The following FSTL4 variants were observed in gnomAD, a reference collection of about 807,000 sequenced individuals.
FSTL4 encodes the protein follistatin-related protein 4.
A neutral mutation model predicts 78.2 loss-of-function variants in FSTL4; 28 were observed. That is an observed-to-expected ratio of 0.36 (90% CI 0.27 to 0.49). The LOEUF (loss-of-function observed/expected upper bound fraction) is 0.49. FSTL4 is among the 20% of genes least tolerant of loss of function. The pLI is 0.98. For synonymous variants in FSTL4, 422 were observed against 440.5 expected (o/e 0.96, Z 0.53); for missense variants, 922 against 1,084.9 (o/e 0.85, Z 2.11).
chr5:133,796,768 G>A, the FSTL4 span, among the ~76,000 whole-genome samples: 2 of 152,034 alleles, frequency 1.3e-5, no homozygotes, highest in Non-Finnish European at 2.9e-5. Context: ...TGGGCCAAAC[G>A]GCAACTTTTT....
chr5:133,458,083 G>C (rs1445698966), intron 3 of FSTL4: 1 of 152,164 alleles, frequency 6.6e-6, no homozygotes, highest in African/African-American at 2.4e-5. Context: ...AACAGTCATT[G>C]TTTAAAAATG....
chr5:133,215,089 C>T (rs1236557940), intron 13 of FSTL4, among the ~76,000 whole-genome samples: 1 of 152,218 alleles, frequency 6.6e-6, no homozygotes, highest in East Asian at 1.9e-4. Context: ...TGTACCAAAT[C>T]CAATGGTCAG....
chr5:133,532,212 A>C (rs1307339292), intron 3 of FSTL4, among the ~76,000 whole-genome samples: 1 of 152,208 alleles, frequency 6.6e-6, no homozygotes, highest in Non-Finnish European at 1.5e-5. Flanking sequence ...TAGCCTCCAG[A>C]AACTAGAAAG....
intron 4 of FSTL4, among the ~76,000 whole-genome samples, chr5:133,372,502 C>A (rs985436694): frequency 3.3e-5 from 5 of 152,090 alleles, no homozygotes; most frequent in Admixed American, 2.0e-4. Context: ...CCACAACGAG[C>A]CCTGGAGTCA....
the FSTL4 span, among the ~76,000 whole-genome samples, chr5:133,755,359 G>A: frequency 4.6e-5 from 7 of 152,004 alleles, no homozygotes; most frequent in South Asian, 2.1e-4. Flanking sequence ...AGCTGGTCCC[G>A]GGACAATAAA....
the FSTL4 span, among the ~76,000 whole-genome samples, chr5:133,650,603 T>C: frequency 6.6e-6 from 1 of 152,218 alleles, no homozygotes; most frequent in East Asian, 1.9e-4. Context: ...CATATTTATA[T>C]GGGTCTATTT....
At chr5:133,332,193 T>C (rs1179687864) in intron 4 of FSTL4, among the ~76,000 whole-genome samples, 1 of 152,208 alleles carries the variant, frequency 6.6e-6, no homozygotes, top group Non-Finnish European at 1.5e-5. Flanking sequence ...TCAGCCATAA[T>C]GCATCTGCAC....
At chr5:133,230,969 CTCTTGG>C in intron 8 of FSTL4, among the ~76,000 whole-genome samples, 1 of 152,124 alleles carries the variant, frequency 6.6e-6, no homozygotes, top group Admixed American at 6.5e-5. Flanking sequence ...GCGGCCCCTT[CTCTTGG>C]TACCACTAGG....
chr5:133,632,735 G>C, the FSTL4 span, among the ~76,000 whole-genome samples: 1 of 152,068 alleles, frequency 6.6e-6, no homozygotes, highest in Admixed American at 6.6e-5. Context: ...GCCCAGCCTG[G>C]GGTGCAGTGG....
intron 3 of FSTL4, among the ~76,000 whole-genome samples, chr5:133,553,618 G>A (rs1759731233): frequency 6.6e-6 from 1 of 152,196 alleles, no homozygotes; most frequent in African/African-American, 2.4e-5. Flanking sequence ...GGACTATTGT[G>A]AGTGTTAAAA....
the FSTL4 span, among the ~76,000 whole-genome samples, chr5:133,632,975 A>T: frequency 6.6e-6 from 1 of 152,194 alleles, no homozygotes; most frequent in South Asian, 2.1e-4. Context: ...GATGTGTACC[A>T]CTGTGCCTGC....
intron 4 of FSTL4, among the ~76,000 whole-genome samples, chr5:133,348,097 T>A (rs1754735805): frequency 6.6e-6 from 1 of 152,174 alleles, no homozygotes; most frequent in Non-Finnish European, 1.5e-5. Flanking sequence ...AAATAAGACA[T>A]GAGGCTGAAT....
intron 6 of FSTL4, among the ~76,000 whole-genome samples, chr5:133,307,954 GTATTTT>G (rs1232813422): frequency 6.6e-6 from 1 of 152,050 alleles, no homozygotes; most frequent in Admixed American, 6.5e-5. Context: ...CTAAGTTTTT[GTATTTT>G]TAGTAGAGAC....
At chr5:133,807,135 G>A in the FSTL4 span, among the ~76,000 whole-genome samples, 11 of 152,180 alleles carry the variant, frequency 7.2e-5, no homozygotes, top group Non-Finnish European at 1.0e-4. Flanking sequence ...CACATTAAGC[G>A]GTCTGCTGGG....
chr5:133,734,948 AC>A, the FSTL4 span, among the ~76,000 whole-genome samples: 1 of 152,190 alleles, frequency 6.6e-6, no homozygotes, highest in Non-Finnish European at 1.5e-5. Context: ...GTGAGAATGA[AC>A]AGCGGGCTGT....
intron 4 of FSTL4, among the ~76,000 whole-genome samples, chr5:133,382,481 C>T (rs1755596254): frequency 6.6e-6 from 1 of 152,194 alleles, no homozygotes; most frequent in Admixed American, 6.5e-5. Flanking sequence ...AAACTGGATG[C>T]AAGAATACTG....
At chr5:133,400,329 G>A (rs989470572) in intron 4 of FSTL4, among the ~76,000 whole-genome samples, 1 of 152,194 alleles carries the variant, frequency 6.6e-6, no homozygotes, top group African/African-American at 2.4e-5. Context: ...TTGCGCTGGT[G>A]TCTGCCTGAC....
chr5:133,308,998 A>C (rs1220549224), intron 6 of FSTL4, among the ~76,000 whole-genome samples: 11 of 152,256 alleles, frequency 7.2e-5, no homozygotes, highest in Non-Finnish European at 1.5e-4. Flanking sequence ...AGAAACTTGC[A>C]ATGAATTTGA....
chr5:133,707,155 C>T, the FSTL4 span, among the ~76,000 whole-genome samples: 1 of 152,190 alleles, frequency 6.6e-6, no homozygotes, highest in Non-Finnish European at 1.5e-5. Context: ...TCACCTCTTC[C>T]CTGCTGCTGC....
Sources: gnomAD v4.1 joint callset for allele counts (sites outside exome capture counted in the v4.1 genomes callset) on GRCh38, gnomAD v4.1.1 for gene constraint, MANE v1.5 for transcripts, NCBI Gene and HGNC (gene_info 2026-07-23, HGNC 2026-07-21) for gene names.